ZNF296: variants seen among roughly 807,000 people sequenced by gnomAD.
ZNF296 encodes zinc finger protein 342.
In ZNF296, 1 loss-of-function variant was observed where a neutral mutation model predicts 13.2. That is an observed-to-expected ratio of 0.08 (90% CI 0.03 to 0.36). The LOEUF (loss-of-function observed/expected upper bound fraction) is 0.36, where lower values mean the gene tolerates loss of function less well. ZNF296 is among the 10% of genes least tolerant of loss of function. ZNF296 has a pLI of 0.99. For synonymous variants in ZNF296, 303 were observed against 289.0 expected, an observed-to-expected ratio of 1.05 and a Z score of -0.49; for missense variants, 555 against 688.2, an observed-to-expected ratio of 0.81 and a Z score of 2.16.
rs1307629501 is a variant in ZNF296, at chr19:45,076,302, CTCG to C, written c.69_71del (p.Asp23del). The C allele has an allele frequency of 6.9e-7, 1 of 1,440,360 alleles. No individual in the cohort carries two copies. Among genetic ancestry groups the C allele is most frequent in the Non-Finnish European group, 9.1e-7 (1 of 1,094,544 alleles). The allele number at this position is 1,440,360 out of a possible 1,614,324, so 89.2% of individuals were successfully genotyped here. Reference sequence around the variant, plus strand: ...CGATGACGAGGTCCTGCATTTCCATCTCGTCGTCTGGGTTGGCGGCGGGCGCGG... The same window carrying C: ...CGATGACGAGGTCCTGCATTTCCATCTCGTCTGGGTTGGCGGCGGGCGCGG... On this transcript the variant is annotated inframe_deletion, in exon 1 of 3. Coordinates refer to ENST00000303809, the MANE Select transcript of ZNF296 (RefSeq NM_145288.3). This position sits in a 1 kb window ranked among gnomAD's most constrained non-coding sequence, Gnocchi z 4.9.
At position 45,071,534 on chromosome 19, in the gene ZNF296, GC is replaced by G. The variant is rs1967253906; in HGVS notation, c.*66del. ...GGGAAAATTTACTTGGAGAAGGCGG[GC>G]AAAAACGAGGAGGTCAATGGGTGTT... On this transcript the variant is annotated 3_prime_UTR_variant, in exon 3 of 3. Transcript: ENST00000303809. 3 of 1,490,956 alleles carry G rather than the reference GC, an allele frequency of 2.0e-6. No homozygotes were observed. The highest frequency in any genetic ancestry group is 2.7e-6 in the Non-Finnish European group (3 of 1,128,942). The allele number at this position is 1,490,956 out of a possible 1,614,324, so 92.4% of individuals were successfully genotyped here. A position where few individuals can be genotyped will look rare whatever the true frequency, so the allele number is the denominator to read the frequency against.
rs769808818 is a variant in ZNF296 at position 45,076,387 on chromosome 19, G to A, written c.-14C>T. 1.6e-6 allele frequency: 2 copies of A among 1,279,540 alleles called. No individual in the cohort carries two copies. Among genetic ancestry groups the A allele is most frequent in the Non-Finnish European group, 2.0e-6 (2 of 1,013,904 alleles). 79.3% of individuals were successfully genotyped at this position (1,279,540 alleles called of 1,614,324 possible). A position where few individuals can be genotyped will look rare whatever the true frequency, so the allele number is the denominator to read the frequency against. ...GCGGCGGGACATGAGTCGCGGGCCG[G>A]GCGAGCGAGCGGGCGGGCAGGCAGG... On this transcript the variant is annotated 5_prime_UTR_variant, in exon 1 of 3. Coordinates refer to ENST00000303809, the MANE Select transcript of ZNF296 (RefSeq NM_145288.3). The surrounding 1 kb of genome is among the most constrained non-coding windows in gnomAD (Gnocchi z 4.9).
At position 45,071,835 on chromosome 19, in the gene ZNF296, G is replaced by C. The variant is rs777506030; in HGVS notation, c.1194C>G (p.Ser398Arg). ...AGCGCCGGTGCACCGTCAGGTTGCT[G>C]CTGTTGGTAAAATGCTTCCCGCAGA... ...CEFCGKHFTN[S>R]SNLTVHRRSH... The change falls in exon 3 of 3, where the codon AGC becomes AGG. Residue 398 changes from serine (S) to arginine (R), a missense_variant. Physicochemically the swap from Ser to Arg is moderately radical, Grantham distance 110. Around this residue, in one of 3 missense-constraint regions of ZNF296, gnomAD observed 410 missense variants for 548.0 expected, o/e 0.75. Coordinates refer to ENST00000303809, the MANE Select transcript of ZNF296 (RefSeq NM_145288.3). 1.2e-6 allele frequency: 2 copies of C among 1,613,286 alleles called. No homozygotes were observed. The highest frequency in any genetic ancestry group is 3.3e-5 in the Admixed American group (2 of 60,034).
rs374487209 is a variant in ZNF296, at chr19:45,072,370, C to T, written c.659G>A (p.Arg220His). 31 of 1,612,498 alleles carry T rather than the reference C, an allele frequency of 1.9e-5. No individual in the cohort carries two copies. The Admixed American group carries it at 2.5e-4, about 13-fold the overall frequency. The stretch of plus-strand genomic sequence containing the variant: ...CCGGGTGAGGCCGCTGCCACTTGCA[C>T]GGGGGCTCTTGGCCTCAGCTGCTGG... ...VGPAAEAKSP[R>H]ASGSGLTRRS... Residue 220 changes from arginine (R) to histidine (H), a missense_variant, in exon 3 of 3, where the codon CGT (arginine) becomes CAT (histidine). Arg to His is a conservative substitution (Grantham distance 29). Transcript: ENST00000303809.
At position 45,076,379 on chromosome 19, in the gene ZNF296, G is replaced by T; in HGVS notation, c.-6C>A. ...CCGGCCTTGCGGCGGGACATGAGTCGCGGGCCGGGCGAGCGAGCGGGCGGG... is the reference window on the plus strand; with the variant it reads ...CCGGCCTTGCGGCGGGACATGAGTCTCGGGCCGGGCGAGCGAGCGGGCGGG... On this transcript the variant is annotated 5_prime_UTR_variant, in exon 1 of 3. Coordinates refer to ENST00000303809, the MANE Select transcript of ZNF296 (RefSeq NM_145288.3). This position sits in a 1 kb window ranked among gnomAD's most constrained non-coding sequence, Gnocchi z 4.9. The T allele has an allele frequency of 7.7e-7, 1 of 1,300,524 alleles. No homozygotes were observed. The highest frequency in any genetic ancestry group is 9.8e-7 in the Non-Finnish European group (1 of 1,025,304). 80.6% of individuals were successfully genotyped at this position (1,300,524 alleles called of 1,614,324 possible).
chr19:45,075,941 A>C, intron 1 of ZNF296, 79 bp from the exon 2 acceptor site: 2 of 1,594,616 alleles, frequency 1.3e-6, no homozygotes, highest in South Asian at 2.2e-5. Context: ...GGGGAAACCG[A>C]AGGTCAGAAG....
intron 2 of ZNF296, among the ~76,000 whole-genome samples, chr19:45,074,559 TTGGA>T (rs1265854310): frequency 1.3e-5 from 2 of 152,176 alleles, no homozygotes; most frequent in Non-Finnish European, 2.9e-5. Flanking sequence ...TTCTAGAGTC[TTGGA>T]TGGGACAACC....
chr19:45,072,316 T>C lies in ZNF296; in HGVS notation c.713A>G (p.Lys238Arg). The C allele has an allele frequency of 6.2e-7, 1 of 1,613,298 alleles. No homozygotes were observed. Among genetic ancestry groups the C allele is most frequent in the Non-Finnish European group, 8.5e-7 (1 of 1,179,924 alleles). ...RRSPTCPVCK[K>R]TLSSFSNLKV... ...GAGGTTGCTGAAGGAGCTGAGGGTC[T>C]TCTTGCACACAGGACAGGTGGGGCT... Residue 238 changes from lysine (K) to arginine (R), a missense_variant, in exon 3 of 3, where the codon AAG becomes AGG. Coordinates refer to ENST00000303809, the MANE Select transcript of ZNF296 (RefSeq NM_145288.3).
In ZNF296 at chr19:45,072,135, CTG is replaced by C. The variant is rs1568425524; in HGVS notation, c.892_893del (p.Gln298GlyfsTer25). The C allele has an allele frequency of 6.2e-7, 1 of 1,604,074 alleles. No homozygotes were observed. Among genetic ancestry groups the C allele is most frequent in the East Asian group, 2.2e-5 (1 of 44,648 alleles). On this transcript the variant is annotated frameshift_variant, in exon 3 of 3. Transcript: ENST00000303809. LOFTEE classifies it low-confidence loss of function (END_TRUNC). ...CCGGCTCCGGAGGGGCTGCAGAGGCCTGCTCCTGGCTGGTGTCGGCCATGAGG... is the reference window on the plus strand; with the variant it reads ...CCGGCTCCGGAGGGGCTGCAGAGGCCCTCCTGGCTGGTGTCGGCCATGAGG... ...SPLMADTSQE[Q>X]ASAAPPEPAV...
chr19:45,076,467 A>C lies in ZNF296; in HGVS notation c.-94T>G. On this transcript the variant is annotated 5_prime_UTR_variant, in exon 1 of 3. Transcript: ENST00000303809. The surrounding 1 kb of genome is among the most constrained non-coding windows in gnomAD (Gnocchi z 4.9). ...GAGGACGCGCGGACCGTGCGCGCTC[A>C]GGTGAGTGACTGCGGCGACCCGCCG... is the stretch of plus-strand genomic sequence containing the variant. 1 of 981,020 alleles carries C rather than the reference A, an allele frequency of 1.0e-6. No individual in the cohort carries two copies. Among genetic ancestry groups the C allele is most frequent in the Non-Finnish European group, 1.3e-6 (1 of 766,518 alleles). 60.8% of individuals were successfully genotyped at this position (981,020 alleles called of 1,614,324 possible).
chr19:45,071,636 G>A lies in ZNF296; in HGVS notation c.1393C>T (p.Arg465Trp), dbSNP rs143297439. Residue 465 changes from arginine to tryptophan, a missense_variant, in exon 3 of 3, where the codon CGG becomes TGG. Arg to Trp is a moderately radical substitution (Grantham distance 101). Around this residue, in one of 3 missense-constraint regions of ZNF296, gnomAD observed 410 missense variants for 548.0 expected, o/e 0.75. Coordinates refer to ENST00000303809, the MANE Select transcript of ZNF296 (RefSeq NM_145288.3). ...GLRATLDKHL[R>W]QKHPEAAGEA is the part of the protein sequence containing the mutation. ...CCGGCCGCCTCAGGGTGCTTCTGCC[G>A]CAGGTGTTTGTCCAGGGTGGCTCGC... The A allele has an allele frequency of 8.0e-5, 123 of 1,530,296 alleles. No homozygotes were observed. In the East Asian group the frequency reaches 2.2e-3, roughly 27 times the overall value. The allele number at this position is 1,530,296 out of a possible 1,614,324, so 94.8% of individuals were successfully genotyped here.
chr19:45,074,677 G>C (rs1185202072), intron 2 of ZNF296, among the ~76,000 whole-genome samples: 1 of 152,138 alleles, frequency 6.6e-6, no homozygotes, highest in Non-Finnish European at 1.5e-5. Context: ...AGTCCTCTGT[G>C]TGCCTCAGTT....
At chr19:45,075,526 C>T (rs1339854117) in intron 2 of ZNF296, among the ~76,000 whole-genome samples, 187 bp downstream of exon 2, 1 of 150,536 alleles carries the variant, frequency 6.6e-6, no homozygotes, top group South Asian at 2.1e-4. Flanking sequence ...CCCCCCCCGC[C>T]CCCCCTCCAC....
Position 45,071,543 on chromosome 19 carries a change from A to C in ZNF296, c.*58T>G. ...TACTTGGAGAAGGCGGGCAAAAACG[A>C]GGAGGTCAATGGGTGTTGGCAGCGG... On this transcript the variant is annotated 3_prime_UTR_variant, in exon 3 of 3. Coordinates refer to ENST00000303809, the MANE Select transcript of ZNF296 (RefSeq NM_145288.3). 6.7e-7 allele frequency: 1 copy of C among 1,492,780 alleles called. No individual in the cohort carries two copies. Among genetic ancestry groups the C allele is most frequent in the Non-Finnish European group, 8.8e-7 (1 of 1,130,190 alleles). The allele number at this position is 1,492,780 out of a possible 1,614,324, so 92.5% of individuals were successfully genotyped here.
intron 2 of ZNF296, among the ~76,000 whole-genome samples, chr19:45,074,749 G>C (rs1967313327): frequency 6.6e-6 from 1 of 152,136 alleles, no homozygotes. Context: ...CCTCGCTTGG[G>C]GAATGGTTGA....
Position 45,072,371 on chromosome 19 carries a change from G to T in ZNF296, c.658C>A (p.Arg220Ser). 1.2e-6 allele frequency: 2 copies of T among 1,612,526 alleles called. No homozygotes were observed. The highest frequency in any genetic ancestry group is 1.7e-6 in the Non-Finnish European group (2 of 1,179,838). ...VGPAAEAKSP[R>S]ASGSGLTRRS... ...CGGGTGAGGCCGCTGCCACTTGCACGGGGGCTCTTGGCCTCAGCTGCTGGC... is the reference window on the plus strand; with the variant it reads ...CGGGTGAGGCCGCTGCCACTTGCACTGGGGCTCTTGGCCTCAGCTGCTGGC... The change falls in exon 3 of 3, where the codon CGT (arginine) becomes AGT (serine). Residue 220 changes from arginine to serine, a missense_variant. Physicochemically the swap from Arg to Ser is moderately radical, Grantham distance 110. Around this residue, in one of 3 missense-constraint regions of ZNF296, gnomAD observed 410 missense variants for 548.0 expected, o/e 0.75. Coordinates refer to ENST00000303809, the MANE Select transcript of ZNF296 (RefSeq NM_145288.3).
In ZNF296 at chr19:45,072,159, G is replaced by C. The variant is rs748507391; in HGVS notation, c.870C>G (p.Leu290=). The C allele has an allele frequency of 1.2e-6, 2 of 1,604,378 alleles. No homozygotes were observed. The highest frequency in any genetic ancestry group is 2.2e-5 in the South Asian group (2 of 90,212). ...CCTGCTCCTGGCTGGTGTCGGCCAT[G>C]AGGGGGCTCTGGGGCGGCACCTGCC... ...THRQVPPQSP[L]MADTSQEQAS... is the part of the protein sequence containing the mutation. The change falls in exon 3 of 3, where the codon CTC becomes CTG. Residue 290 remains leucine, a synonymous_variant. Transcript: ENST00000303809.
intron 1 of ZNF296, 105 bp downstream of exon 1, chr19:45,075,971 G>A: frequency 1.3e-6 from 2 of 1,579,690 alleles, no homozygotes; most frequent in South Asian, 1.1e-5. Flanking sequence ...GGGGCAGGAC[G>A]GGGCGAAGGA....
At chr19:45,075,136 G>GGA (rs1159411263) in intron 2 of ZNF296, among the ~76,000 whole-genome samples, 3 of 152,210 alleles carry the variant, frequency 2.0e-5, no homozygotes, top group Non-Finnish European at 2.9e-5. Flanking sequence ...CGGGTGTCCA[G>GGA]CACCCGGGAG....
Sources: gnomAD v4.1 joint callset for allele counts (sites outside exome capture counted in the v4.1 genomes callset) on GRCh38, gnomAD v4.1.1 for gene constraint, gnomAD v4.1.1 regional missense constraint, Gnocchi (gnomAD v3.1) non-coding constraint, MANE v1.5 for transcripts, NCBI Gene and HGNC (gene_info 2026-07-23, HGNC 2026-07-21) for gene names.